Variants in AKAP13 observed in about 807,000 individuals in gnomAD.
AKAP13 encodes A-kinase anchor protein 13.
AKAP13 carries 80 observed loss-of-function variants against 264.5 expected under a neutral mutation model. The ratio of observed to expected loss-of-function variants is 0.30; its 90% CI spans 0.25 to 0.36. The LOEUF (loss-of-function observed/expected upper bound fraction) is 0.36, where lower values mean the gene tolerates loss of function less well. AKAP13 is among the 10% of genes least tolerant of loss of function. The pLI is 1.00. For missense variants in AKAP13, 3,712 were observed against 3,435.2 expected (o/e 1.08, Z -2.01); for synonymous variants, 1,380 against 1,250.2 (o/e 1.10, Z -2.19).
chr15:85,517,931 A>C (rs1348985506), intron 2 of AKAP13, among the ~76,000 whole-genome samples: 5 of 152,222 alleles, frequency 3.3e-5, no homozygotes, highest in Non-Finnish European at 5.9e-5. Flanking sequence ...TTAAGTTCAG[A>C]TTATTGGAAG....
rs138425530 is a variant in AKAP13 at position 85,571,910 on chromosome 15, G to A, written c.663-3221G>A. Among the ~76,000 whole-genome samples the A allele has an allele frequency of 6.3e-3, 964 of 152,302 alleles. 11 individuals are homozygous for A. Among genetic ancestry groups the A allele is most frequent in the African/African-American group, 0.022 (903 of 41,564 alleles). The stretch of plus-strand genomic sequence containing the variant: ...CTAGAGGGACAAGGAAGCAACAAAA[G>A]TCCCCAGGGACATGAATTGGGAGAT... On this transcript the variant is annotated intron_variant, in intron 5 of 36. Transcript: ENST00000394518.
intron 2 of AKAP13, among the ~76,000 whole-genome samples, chr15:85,492,127 T>G (rs2075749158): frequency 1.3e-5 from 2 of 152,200 alleles, no homozygotes; most frequent in South Asian, 4.1e-4. Context: ...CACTTAATAT[T>G]ATAGAGACTT....
intron 1 of AKAP13, among the ~76,000 whole-genome samples, chr15:85,440,676 G>T (rs1567058325): frequency 6.6e-6 from 1 of 152,172 alleles, no homozygotes; most frequent in Non-Finnish European, 1.5e-5. Context: ...TGTCAACAGG[G>T]CGTTGCATCA....
chr15:85,695,517 A>G (rs2085518785), intron 17 of AKAP13, among the ~76,000 whole-genome samples: 1 of 152,220 alleles, frequency 6.6e-6, no homozygotes, highest in Non-Finnish European at 1.5e-5. Context: ...GCTAGCACAC[A>G]GCCTGTCTAA....
intron 2 of AKAP13, among the ~76,000 whole-genome samples, chr15:85,515,686 T>A (rs752336409): frequency 1.4e-5 from 2 of 138,608 alleles, no homozygotes; most frequent in Non-Finnish European, 3.1e-5. Context: ...ACCATTTTTT[T>A]ACATAGATGC....
At chr15:85,697,313 G>A (rs1305927082) in intron 17 of AKAP13, among the ~76,000 whole-genome samples, 1 of 152,244 alleles carries the variant, frequency 6.6e-6, no homozygotes, top group Non-Finnish European at 1.5e-5. Context: ...GCTCACGCCT[G>A]TAATCCCAGC....
intron 13 of AKAP13, among the ~76,000 whole-genome samples, chr15:85,665,013 C>A (rs886184490): frequency 1.3e-5 from 2 of 151,930 alleles, no homozygotes; most frequent in Non-Finnish European, 2.9e-5. Context: ...CCAGCCTGGG[C>A]AACATAGCAA....
intron 8 of AKAP13, among the ~76,000 whole-genome samples, chr15:85,606,090 CTTTTTT>C (rs369008646): frequency 4.1e-4 from 36 of 88,374 alleles, no homozygotes; most frequent in African/African-American, 1.5e-3. Context: ...GTTTGATCTA[CTTTTTT>C]TTTTTTTTTT....
intron 2 of AKAP13, among the ~76,000 whole-genome samples, chr15:85,503,363 A>G (rs1159917888): frequency 6.6e-6 from 1 of 152,200 alleles, no homozygotes; most frequent in Non-Finnish European, 1.5e-5. Flanking sequence ...AAGTCACGTG[A>G]TTTCAAAGCC....
intron 2 of AKAP13, among the ~76,000 whole-genome samples, chr15:85,494,743 T>A (rs1324638197): frequency 6.6e-6 from 1 of 152,176 alleles, no homozygotes; most frequent in East Asian, 1.9e-4. Flanking sequence ...GGTAGCAGAA[T>A]CTGCAAATAA....
At chr15:85,497,601 A>G (rs534465379) in intron 2 of AKAP13, among the ~76,000 whole-genome samples, 2 of 152,312 alleles carry the variant, frequency 1.3e-5, no homozygotes, top group South Asian at 2.1e-4. Flanking sequence ...ATGAGATTAT[A>G]TATAGCTGCT....
At chr15:85,462,705 T>A (rs1198706273) in intron 1 of AKAP13, among the ~76,000 whole-genome samples, 1 of 152,064 alleles carries the variant, frequency 6.6e-6, no homozygotes, top group Non-Finnish European at 1.5e-5. Flanking sequence ...GGCAGAGAAA[T>A]AGAAACTGTA....
At chr15:85,717,444 A>C in intron 21 of AKAP13, 42 bp downstream of exon 21, 1 of 1,369,402 alleles carries the variant, frequency 7.3e-7, no homozygotes, top group Non-Finnish European at 1.0e-6. Flanking sequence ...CTCTGTAGGG[A>C]CTGTGTGTGT....
intron 17 of AKAP13, among the ~76,000 whole-genome samples, chr15:85,694,382 TCA>T (rs1270538990): frequency 6.6e-6 from 1 of 152,246 alleles, no homozygotes; most frequent in Non-Finnish European, 1.5e-5. Flanking sequence ...ATGGTCTCTG[TCA>T]CAATTCTTGA....
chr15:85,419,250 G>C (rs191710477), intron 1 of AKAP13, among the ~76,000 whole-genome samples: 3 of 152,276 alleles, frequency 2.0e-5, no homozygotes. Context: ...AAGAATGCGT[G>C]GTTCTGAGAG....
intron 1 of AKAP13, among the ~76,000 whole-genome samples, chr15:85,403,746 CAGGAGAATCGCTTGAACCCGGG>C (rs2071534087): frequency 6.6e-6 from 1 of 150,868 alleles, no homozygotes; most frequent in Admixed American, 6.6e-5. Context: ...AAGGCTGAGG[CAGGAGAATCGCTTGAACCCGGG>C]AGGTGGTTCA....
intron 17 of AKAP13, 69 bp from the exon 18 acceptor site, chr15:85,707,950 G>A: frequency 6.7e-7 from 1 of 1,498,930 alleles, no homozygotes. Flanking sequence ...ACTTGTGGCA[G>A]CAGTGGAAAC....
intron 1 of AKAP13, among the ~76,000 whole-genome samples, chr15:85,475,826 G>A (rs2075142616): frequency 6.6e-6 from 1 of 152,160 alleles, no homozygotes; most frequent in South Asian, 2.1e-4. Context: ...CTATGGTGCA[G>A]CAAAGCAGCT....
chr15:85,536,432 A>G (rs1188318395), intron 4 of AKAP13: 1 of 152,314 alleles, frequency 6.6e-6, no homozygotes, highest in Non-Finnish European at 1.5e-5. Flanking sequence ...AAAGTTAAAC[A>G]TACACTTAGC....
Sources: allele counts gnomAD v4.1 joint callset (sites outside exome capture counted in the v4.1 genomes callset), GRCh38; gene constraint gnomAD v4.1.1; transcripts MANE v1.5; gene names NCBI Gene and HGNC (gene_info 2026-07-23, HGNC 2026-07-21).